INTS9: variants seen among roughly 807,000 people sequenced by gnomAD.
INTS9 encodes protein related to CPSF subunits of 74 kDa.
A neutral mutation model predicts 79.7 loss-of-function variants in INTS9; 55 were observed. That is an observed-to-expected ratio of 0.69 (90% CI 0.56 to 0.86). The LOEUF is 0.86. Ranked by LOEUF, INTS9 falls within the 40% of genes least tolerant of loss-of-function variation. The probability of loss-of-function intolerance (pLI) is 0.00; values close to 1 mark genes in which losing one functional copy is unlikely to be tolerated. For missense variants in INTS9, 721 were observed against 831.5 expected (o/e 0.87, Z 1.64); for synonymous variants, 319 against 325.2 (o/e 0.98, Z 0.20).
At chr8:28,847,688 G>A (rs969721759) in intron 3 of INTS9, among the ~76,000 whole-genome samples, 1 of 152,190 alleles carries the variant, frequency 6.6e-6, no homozygotes, top group African/African-American at 2.4e-5. Flanking sequence ...TAATAAACCT[G>A]TCTTTCCCCC....
chr8:28,771,643 G>A (rs241174), intron 14 of INTS9, among the ~76,000 whole-genome samples: 55,916 of 152,210 alleles, frequency 0.37, 10,325 homozygotes, highest in East Asian at 0.51. Context: ...AGATTGGCAA[G>A]TGGTACGTGA....
chr8:28,776,642 C>T (rs996868106), intron 13 of INTS9, among the ~76,000 whole-genome samples: 2 of 152,018 alleles, frequency 1.3e-5, no homozygotes, highest in Non-Finnish European at 2.9e-5. Context: ...CCAGGCTGAC[C>T]GGGCTGAGCT....
At position 28,812,452 on chromosome 8, in the gene INTS9, C is replaced by G. The variant is rs749928514; in HGVS notation, c.619G>C (p.Gly207Arg). 6.2e-7 allele frequency: 1 copy of G among 1,612,816 alleles called. No individual in the cohort carries two copies. Among genetic ancestry groups the G allele is most frequent in the South Asian group, 1.1e-5 (1 of 90,766 alleles). ...VGYSQKIELF[G>R]AVQVTPLSSG... ...CTCAGAGGAGTCACCTGGACCGCAC[C>G]AAAAAGCTCCTAAAAGAGAACCACA... Residue 207 changes from glycine to arginine, a missense_variant, in exon 8 of 17, where the codon GGT (glycine) becomes CGT (arginine). This residue lies in a region of INTS9 where 291 missense variants were observed against 307.0 expected (regional missense o/e 0.95). Transcript: ENST00000521022.
At chr8:28,827,666 G>A (rs1316748718) in intron 6 of INTS9, among the ~76,000 whole-genome samples, 1 of 152,082 alleles carries the variant, frequency 6.6e-6, no homozygotes, top group Admixed American at 6.6e-5. Context: ...CCAGAAACTA[G>A]GTTACAACCC....
At chr8:28,875,092 A>T (rs979770457) in intron 1 of INTS9, among the ~76,000 whole-genome samples, 6 of 152,044 alleles carry the variant, frequency 3.9e-5, no homozygotes, top group Non-Finnish European at 7.4e-5. Context: ...CTCAGGAAAG[A>T]CCCGCCCCCA....
intron 6 of INTS9, among the ~76,000 whole-genome samples, chr8:28,820,522 T>C (rs1805770950): frequency 6.6e-6 from 1 of 152,380 alleles, no homozygotes; most frequent in Non-Finnish European, 1.5e-5. Flanking sequence ...CTGATGGGCT[T>C]CCCTTTGTGG....
chr8:28,850,870 T>C (rs768467130), intron 2 of INTS9, among the ~76,000 whole-genome samples: 7 of 152,226 alleles, frequency 4.6e-5, no homozygotes, highest in African/African-American at 1.2e-4. Context: ...AATGACACCA[T>C]GTCTAAAGTG....
intron 4 of INTS9, among the ~76,000 whole-genome samples, chr8:28,839,999 C>G: frequency 7.1e-6 from 1 of 140,638 alleles, no homozygotes; most frequent in South Asian, 2.5e-4. Flanking sequence ...TCAGAGTGAA[C>G]AGGCAACCTA....
At chr8:28,882,336 G>A (rs1030529479) in intron 1 of INTS9, among the ~76,000 whole-genome samples, 2 of 126,684 alleles carry the variant, frequency 1.6e-5, no homozygotes, top group African/African-American at 5.3e-5. Flanking sequence ...GAAGGCCGCA[G>A]GGTCCTCTGC....
At chr8:28,851,737 G>A (rs532876769) in intron 2 of INTS9, among the ~76,000 whole-genome samples, 8 of 151,968 alleles carry the variant, frequency 5.3e-5, no homozygotes, top group Non-Finnish European at 8.8e-5. Flanking sequence ...GCACCCAGCC[G>A]GGGGTGGGGG....
chr8:28,843,455 G>T (rs1807314735), intron 4 of INTS9, among the ~76,000 whole-genome samples: 2 of 152,140 alleles, frequency 1.3e-5, no homozygotes, highest in South Asian at 4.2e-4. Flanking sequence ...GAATTTGTCT[G>T]CTGTCTCTTG....
chr8:28,848,995 T>C (rs1807681202), intron 3 of INTS9, among the ~76,000 whole-genome samples: 1 of 152,218 alleles, frequency 6.6e-6, no homozygotes, highest in Non-Finnish European at 1.5e-5. Flanking sequence ...TACAGTCAGC[T>C]CTGAAGAAAA....
intron 12 of INTS9, among the ~76,000 whole-genome samples, chr8:28,778,944 C>G (rs748428175): frequency 8.5e-5 from 13 of 152,236 alleles, no homozygotes; most frequent in Non-Finnish European, 1.3e-4. Flanking sequence ...CCAACCTCTC[C>G]CAGACACAAC....
chr8:28,843,708 GCTTTT>G (rs1466368131), intron 4 of INTS9, among the ~76,000 whole-genome samples: 1 of 150,806 alleles, frequency 6.6e-6, no homozygotes, highest in Non-Finnish European at 1.5e-5. Flanking sequence ...ATTTTCTCTT[GCTTTT>G]CTTTTCTTCT....
intron 6 of INTS9, among the ~76,000 whole-genome samples, chr8:28,817,300 A>C (rs1805544338): frequency 6.6e-6 from 1 of 152,136 alleles, no homozygotes; most frequent in Admixed American, 6.6e-5. Flanking sequence ...CTAACGTTTA[A>C]GTCTTTAATC....
At chr8:28,839,771 A>T (rs896427164) in intron 4 of INTS9, among the ~76,000 whole-genome samples, 1 of 152,096 alleles carries the variant, frequency 6.6e-6, no homozygotes, top group South Asian at 2.1e-4. Context: ...CCTTCTTTAC[A>T]CCTTATACAA....
At chr8:28,837,819 C>A in intron 4 of INTS9, 43 bp from the exon 5 acceptor site, 1 of 1,555,828 alleles carries the variant, frequency 6.4e-7, no homozygotes, top group South Asian at 1.2e-5. Context: ...GTTCAGGGAT[C>A]GATCAATATG....
chr8:28,866,930 G>A (rs184830497), intron 1 of INTS9, among the ~76,000 whole-genome samples: 31 of 151,358 alleles, frequency 2.0e-4, no homozygotes, highest in Non-Finnish European at 3.1e-4. Context: ...AGCCAAGATC[G>A]CACCACTGCA....
intron 3 of INTS9, 161 bp downstream of exon 3, chr8:28,850,052 G>C: frequency 1.9e-6 from 1 of 518,032 alleles, no homozygotes. Context: ...CTTAAAAACA[G>C]CAGTTACCAT....
Sources: allele counts gnomAD v4.1 joint callset (sites outside exome capture counted in the v4.1 genomes callset), GRCh38; gene constraint gnomAD v4.1.1; regional missense constraint gnomAD v4.1.1; transcripts MANE v1.5; gene names NCBI Gene and HGNC (gene_info 2026-07-23, HGNC 2026-07-21).